TLN2: variants seen among roughly 807,000 people sequenced by gnomAD.
TLN2 encodes talin 2, also known as talin-2.
TLN2 carries 118 observed loss-of-function variants against 294.7 expected under a neutral mutation model. The ratio of observed to expected loss-of-function variants is 0.40; its 90% CI spans 0.34 to 0.47. TLN2 has a LOEUF of 0.47. Ranked by LOEUF, TLN2 falls within the 20% of genes least tolerant of loss-of-function variation. TLN2 has a pLI of 0.84. For missense variants in TLN2, 3,083 were observed against 3,282.2 expected (o/e 0.94, Z 1.48); for synonymous variants, 1,431 against 1,304.5 (o/e 1.10, Z -2.09).
At chr15:62,747,443 AG>A (rs1458432821) in intron 32 of TLN2, among the ~76,000 whole-genome samples, 1 of 152,180 alleles carries the variant, frequency 6.6e-6, no homozygotes, top group Non-Finnish European at 1.5e-5. Flanking sequence ...ATTTAATGGA[AG>A]GAAGAAATTT....
At chr15:62,461,285 A>G (rs1180851106) in intron 1 of TLN2, among the ~76,000 whole-genome samples, 1 of 152,106 alleles carries the variant, frequency 6.6e-6, no homozygotes, top group African/African-American at 2.4e-5. Context: ...GGACCTGCCC[A>G]GTGTGTCCTC....
chr15:62,487,246 G>A (rs771060869), intron 1 of TLN2, among the ~76,000 whole-genome samples: 18 of 152,146 alleles, frequency 1.2e-4, no homozygotes, highest in Admixed American at 9.2e-4. Context: ...GTCAACTTGC[G>A]TGATGTGTAC....
chr15:62,564,695 C>A (rs1015073027), intron 1 of TLN2, among the ~76,000 whole-genome samples: 2 of 151,810 alleles, frequency 1.3e-5, no homozygotes, highest in Non-Finnish European at 2.9e-5. Context: ...TCACTTGAGG[C>A]CAGGAGTTCG....
chr15:62,469,585 A>G (rs1339201507), intron 1 of TLN2, among the ~76,000 whole-genome samples: 6 of 152,156 alleles, frequency 3.9e-5, no homozygotes. Context: ...GTGACTGAAT[A>G]CTTTGTGTTG....
chr15:62,797,991 G>C (rs74020667), intron 48 of TLN2, among the ~76,000 whole-genome samples: 38 of 152,356 alleles, frequency 2.5e-4, no homozygotes, highest in African/African-American at 7.9e-4. Context: ...AGAAGCAGCA[G>C]CTGCTGCAGG....
intron 54 of TLN2, chr15:62,823,878 C>T (rs1226286333): frequency 3.5e-5 from 16 of 462,062 alleles, no homozygotes; most frequent in Non-Finnish European, 7.1e-5. Flanking sequence ...GGAGTTGCTG[C>T]AAAAGTGACC....
intron 2 of TLN2, among the ~76,000 whole-genome samples, chr15:62,596,284 A>G (rs888584872): frequency 1.7e-4 from 26 of 148,858 alleles, no homozygotes; most frequent in African/African-American, 6.6e-4. Context: ...AAAAAAAGGT[A>G]TTCTTGAAAA....
chr15:62,566,316 G>C (rs1179276984), intron 1 of TLN2, among the ~76,000 whole-genome samples: 1 of 152,062 alleles, frequency 6.6e-6, no homozygotes, highest in Non-Finnish European at 1.5e-5. Context: ...TGGTGTGCCA[G>C]AGACTTCACC....
At chr15:62,659,557 A>G (rs567535960) in intron 9 of TLN2, among the ~76,000 whole-genome samples, 8 of 152,214 alleles carry the variant, frequency 5.3e-5, no homozygotes, top group Non-Finnish European at 1.2e-4. Context: ...TTGTGGTCCT[A>G]TTGAATGCTC....
chr15:62,481,462 A>T (rs1471132150), intron 1 of TLN2, among the ~76,000 whole-genome samples: 3 of 152,210 alleles, frequency 2.0e-5, no homozygotes, highest in African/African-American at 7.2e-5. Flanking sequence ...TCTTAGGCAC[A>T]AACGATTGTC....
chr15:62,569,416 G>A lies in TLN2; in HGVS notation c.-237-20271G>A, dbSNP rs535370409. Among the ~76,000 whole-genome samples, 28 of 152,326 alleles carry A rather than the reference G, an allele frequency of 1.8e-4. No homozygotes were observed. The Middle Eastern group carries it at 0.01, about 56-fold the overall frequency. ...ACATTTGGCCTGACCTGGCTCTAGA[G>A]TCTCTCTTCCCTCTTAGGAGAAACT... On this transcript the variant is annotated intron_variant, in intron 1 of 58. Transcript: ENST00000636159.
In TLN2 at chr15:62,415,177, G is replaced by A. The variant is rs960781149; in HGVS notation, c.-238+24492G>A. Among the ~76,000 whole-genome samples, 2 of 141,384 alleles carry A rather than the reference G, an allele frequency of 1.4e-5. 1 individual carries two copies. Among genetic ancestry groups the A allele is most frequent in the Non-Finnish European group, 3.0e-5 (2 of 65,988 alleles). The allele number at this position is 141,384 out of a possible 152,430, so 92.8% of individuals were successfully genotyped here. On this transcript the variant is annotated intron_variant, in intron 1 of 58. Transcript: ENST00000636159. ...GCCCACCTCAGTTTCCCAAAGTGCT[G>A]GATTACAGGCGTGAGCCACTGTGTC...
intron 47 of TLN2, among the ~76,000 whole-genome samples, 192 bp from the exon 48 acceptor site, chr15:62,797,027 T>C (rs749362970): frequency 1.3e-5 from 2 of 152,232 alleles, no homozygotes; most frequent in South Asian, 2.1e-4. Context: ...ACTGGTTGAC[T>C]TTCTTCTTCT....
At chr15:62,498,253 G>T (rs1346222365) in intron 1 of TLN2, among the ~76,000 whole-genome samples, 1 of 151,626 alleles carries the variant, frequency 6.6e-6, no homozygotes, top group African/African-American at 2.4e-5. Context: ...TAAATAACCT[G>T]GTTCTTCTTA....
chr15:62,495,823 T>G (rs1595936619), intron 1 of TLN2, among the ~76,000 whole-genome samples: 1 of 152,050 alleles, frequency 6.6e-6, no homozygotes, highest in South Asian at 2.1e-4. Context: ...CAAGGTGGGG[T>G]GTGGCCACAG....
intron 45 of TLN2, among the ~76,000 whole-genome samples, chr15:62,791,189 A>AG (rs1198379109): frequency 6.6e-6 from 1 of 151,584 alleles, no homozygotes; most frequent in Non-Finnish European, 1.5e-5. Context: ...TCTACTAAAA[A>AG]AAAAAAAATA....
At chr15:62,627,225 T>C (rs181353464) in intron 3 of TLN2, among the ~76,000 whole-genome samples, 276 of 152,322 alleles carry the variant, frequency 1.8e-3, no homozygotes, top group African/African-American at 6.4e-3. Flanking sequence ...GGATGATCCA[T>C]CCTCTTGGAT....
At position 62,675,202 on chromosome 15, in the gene TLN2, CT is replaced by C. The variant is rs2056030785; in HGVS notation, c.853-14del. ...GAGATGCAATAACTGGTCCCGACCA[CT>C]GTCACTTTTGCAGGAGCATAAGAAC... On this transcript the variant is annotated splice_polypyrimidine_tract_variant and intron_variant, in intron 10 of 58. Coordinates refer to ENST00000636159, the MANE Select transcript of TLN2 (RefSeq NM_015059.3). 1 of 1,613,574 alleles carries C rather than the reference CT, an allele frequency of 6.2e-7. No homozygotes were observed. Among genetic ancestry groups the C allele is most frequent in the Non-Finnish European group, 8.5e-7 (1 of 1,179,628 alleles).
intron 1 of TLN2, among the ~76,000 whole-genome samples, chr15:62,564,822 G>T (rs562518893): frequency 6.7e-6 from 1 of 149,538 alleles, no homozygotes; most frequent in Non-Finnish European, 1.5e-5. Context: ...CAGGAGAATC[G>T]CTTGAACCCC....
Sources: gnomAD v4.1 joint callset for allele counts (sites outside exome capture counted in the v4.1 genomes callset) on GRCh38, gnomAD v4.1.1 for gene constraint, MANE v1.5 for transcripts, NCBI Gene and HGNC (gene_info 2026-07-23, HGNC 2026-07-21) for gene names.